FSD2: variants seen among roughly 807,000 people sequenced by gnomAD.
FSD2 encodes the protein fibronectin type III and SPRY domain-containing protein 2.
A neutral mutation model predicts 80.4 loss-of-function variants in FSD2; 71 were observed. That is an observed-to-expected ratio of 0.88 (90% CI 0.73 to 1.08). FSD2 has a LOEUF of 1.08. Among genes scored for constraint, FSD2 ranks in the 50% least tolerant of loss-of-function variants. The probability of loss-of-function intolerance (pLI) is 0.00; values close to 1 mark genes in which losing one functional copy is unlikely to be tolerated. For synonymous variants in FSD2, 361 were observed against 329.5 expected (o/e 1.10, Z -1.03); for missense variants, 923 against 913.8 (o/e 1.01, Z -0.13).
chr15:82,782,455 C>T (rs1016873437), intron 4 of FSD2, among the ~76,000 whole-genome samples: 2 of 152,148 alleles, frequency 1.3e-5, no homozygotes, highest in East Asian at 1.9e-4. Flanking sequence ...TGTTAGAGCA[C>T]GGTTTTTGCT....
chr15:82,775,177 T>A (rs979301065), intron 6 of FSD2, among the ~76,000 whole-genome samples: 3 of 149,650 alleles, frequency 2.0e-5, no homozygotes, highest in African/African-American at 7.4e-5. Flanking sequence ...GGCAGGTGGG[T>A]CACGAGGTCA....
At chr15:82,797,247 G>A (rs546794920) in intron 1 of FSD2, among the ~76,000 whole-genome samples, 1 of 152,290 alleles carries the variant, frequency 6.6e-6, no homozygotes, top group African/African-American at 2.4e-5. Flanking sequence ...AGATCACTAT[G>A]TACTTTTTGA....
chr15:82,798,404 A>G (rs574023973), intron 1 of FSD2, among the ~76,000 whole-genome samples: 3 of 152,182 alleles, frequency 2.0e-5, no homozygotes, highest in Non-Finnish European at 4.4e-5. Flanking sequence ...GCACAATTCA[A>G]TGATTTTTAG....
chr15:82,769,701 G>C (rs1567302630), intron 8 of FSD2, 49 bp downstream of exon 8: 1 of 1,572,170 alleles, frequency 6.4e-7, no homozygotes, highest in African/African-American at 1.4e-5. Flanking sequence ...CATGACTCCT[G>C]TGTCCGCTTG....
At chr15:82,792,772 A>G (rs932047262) in intron 1 of FSD2, among the ~76,000 whole-genome samples, 1 of 152,188 alleles carries the variant, frequency 6.6e-6, no homozygotes, top group Non-Finnish European at 1.5e-5. Flanking sequence ...AAGAGGGATT[A>G]CAGGCATGAG....
At position 82,765,969 on chromosome 15, in the gene FSD2, A is replaced by G. The variant is rs759965373; in HGVS notation, c.1616T>C (p.Ile539Thr). Residue 539 changes from isoleucine to threonine, a missense_variant, in exon 10 of 13, where the codon ATT becomes ACT. Physicochemically the swap from Ile to Thr is moderately conservative, Grantham distance 89. Transcript: ENST00000334574. ...VVQLQPGRSY[I>T]IYVRALNMGG... ...CATATTGAGGGCTCGCACATAGATA[A>G]TGTAGCTCCGCCCCGGCTGCAGCTG... 35 of 1,603,624 alleles carry G rather than the reference A, an allele frequency of 2.2e-5. No individual in the cohort carries two copies. The Admixed American group carries it at 5.8e-4, about 27-fold the overall frequency.
intron 4 of FSD2, among the ~76,000 whole-genome samples, chr15:82,782,412 CCAAAA>C (rs1301995274): frequency 2.6e-5 from 4 of 152,116 alleles, no homozygotes; most frequent in South Asian, 2.1e-4. Flanking sequence ...AAAAACCAAA[CCAAAA>C]CAAAACAAAA....
At chr15:82,792,796 C>A (rs1011551023) in intron 1 of FSD2, among the ~76,000 whole-genome samples, 8 of 152,040 alleles carry the variant, frequency 5.3e-5, no homozygotes, top group Admixed American at 5.2e-4. Flanking sequence ...CCGTGTCTGG[C>A]CTAAGTTTTT....
intron 1 of FSD2, chr15:82,796,474 A>T (rs781207198): frequency 1.3e-5 from 2 of 153,786 alleles, no homozygotes; most frequent in Non-Finnish European, 2.9e-5. Context: ...TATTAGGAGA[A>T]CCAACGGAAA....
intron 1 of FSD2, among the ~76,000 whole-genome samples, chr15:82,790,427 C>A (rs542111599): frequency 6.6e-6 from 1 of 152,298 alleles, no homozygotes; most frequent in East Asian, 1.9e-4. Context: ...ATTGCTCACA[C>A]AGGTATTTCC....
intron 10 of FSD2, 110 bp from the exon 11 acceptor site, chr15:82,765,408 G>C (rs2049392436): frequency 2.1e-6 from 3 of 1,425,624 alleles, no homozygotes; most frequent in South Asian, 2.6e-5. Context: ...CCTGGACCTG[G>C]CCTAGTAATA....
intron 7 of FSD2, among the ~76,000 whole-genome samples, chr15:82,770,769 C>T (rs997661769): frequency 3.9e-5 from 6 of 152,162 alleles, no homozygotes; most frequent in Admixed American, 6.6e-5. Context: ...CAAAAACTAA[C>T]ACAACTCCAG....
intron 9 of FSD2, 45 bp downstream of exon 9, chr15:82,768,835 C>G (rs1303392489): frequency 7.2e-7 from 1 of 1,389,130 alleles, no homozygotes; most frequent in Non-Finnish European, 9.4e-7. Flanking sequence ...GTCACTGTAT[C>G]AGGTGTCAGG....
chr15:82,800,691 CA>C (rs769762172), intron 1 of FSD2, among the ~76,000 whole-genome samples: 5,324 of 47,454 alleles, frequency 0.11, 73 homozygotes, highest in East Asian at 0.27. Context: ...GATTCTGTCT[CA>C]AAAAAAAAAA....
chr15:82,770,494 A>C (rs2151496147), intron 7 of FSD2, among the ~76,000 whole-genome samples: 1 of 152,202 alleles, frequency 6.6e-6, no homozygotes, highest in East Asian at 1.9e-4. Context: ...ACACAGTGAA[A>C]CCTCATCTCT....
intron 7 of FSD2, among the ~76,000 whole-genome samples, chr15:82,770,527 T>A (rs1433553374): frequency 6.6e-6 from 1 of 151,956 alleles, no homozygotes; most frequent in Non-Finnish European, 1.5e-5. Flanking sequence ...AAAAATTAGC[T>A]GGGCGTGGTG....
chr15:82,765,998 C>A lies in FSD2; in HGVS notation c.1587G>T (p.Val529=). 1 of 1,593,572 alleles carries A rather than the reference C, an allele frequency of 6.3e-7. No homozygotes were observed. The highest frequency in any genetic ancestry group is 2.3e-5 in the East Asian group (1 of 43,996). The change falls in exon 10 of 13, where the codon GTG becomes GTT. Residue 529 remains valine (V), a synonymous_variant. Coordinates refer to ENST00000334574, the MANE Select transcript of FSD2 (RefSeq NM_001007122.4). ...SVVGIPTCES[V]VQLQPGRSYI... is the part of the protein sequence containing the mutation. ...AGCTCCGCCCCGGCTGCAGCTGCAC[C>A]ACGGACTCGCAGGTCGGGATGCCCA... is the stretch of plus-strand genomic sequence containing the variant.
In FSD2 at chr15:82,787,340, C is replaced by G; in HGVS notation, c.51G>C (p.Lys17Asn). Residue 17 changes from lysine to asparagine, a missense_variant, in exon 2 of 13, where the codon AAG (lysine) becomes AAC (asparagine). Physicochemically the swap from Lys to Asn is moderately conservative, Grantham distance 94. Transcript: ENST00000334574. ...GGTCCATGTGGTAAAAGTGGAAATCCTTGGGAGTAGACCTGTCCAGCCCCA... is the reference window on the plus strand; with the variant it reads ...GGTCCATGTGGTAAAAGTGGAAATCGTTGGGAGTAGACCTGTCCAGCCCCA... ...EELGLDRSTP[K>N]DFHFYHMDLY... is the part of the protein sequence containing the mutation. 1.2e-6 allele frequency: 2 copies of G among 1,613,826 alleles called. No homozygotes were observed. The highest frequency in any genetic ancestry group is 2.2e-5 in the South Asian group (2 of 91,060).
At chr15:82,763,297 G>A (rs912722617) in intron 11 of FSD2, among the ~76,000 whole-genome samples, 1 of 152,126 alleles carries the variant, frequency 6.6e-6, no homozygotes, top group African/African-American at 2.4e-5. Context: ...GTAACCCCCT[G>A]GTGGAAAACT....
Sources: allele counts gnomAD v4.1 joint callset (sites outside exome capture counted in the v4.1 genomes callset), GRCh38; gene constraint gnomAD v4.1.1; transcripts MANE v1.5; gene names NCBI Gene and HGNC (gene_info 2026-07-23, HGNC 2026-07-21).